Variants in DPYD observed in about 807,000 individuals in gnomAD.
DPYD encodes dihydropyrimidine dehydrogenase [NADP(+)].
A neutral mutation model predicts 116.2 loss-of-function variants in DPYD; 109 were observed. That is an observed-to-expected ratio of 0.94 (90% CI 0.80 to 1.10). The LOEUF (loss-of-function observed/expected upper bound fraction) is 1.10. Ranked by LOEUF, DPYD falls within the 50% of genes least tolerant of loss-of-function variation. DPYD has a pLI of 0.00. For synonymous variants in DPYD, 440 were observed against 432.0 expected (o/e 1.02, Z -0.23); for missense variants, 1,302 against 1,254.5 (o/e 1.04, Z -0.57).
intron 12 of DPYD, among the ~76,000 whole-genome samples, chr1:97,522,646 A>C (rs1399562261): frequency 6.6e-6 from 1 of 151,818 alleles, no homozygotes; most frequent in African/African-American, 2.4e-5. Flanking sequence ...GTGAACCCGG[A>C]AGGTGGATCT....
chr1:97,459,972 G>A (rs1676926178), intron 13 of DPYD, among the ~76,000 whole-genome samples: 1 of 152,062 alleles, frequency 6.6e-6, no homozygotes, highest in Admixed American at 6.6e-5. Flanking sequence ...CACCTTTCGA[G>A]GGAGGAGAAA....
chr1:97,759,702 G>A (rs192479314), intron 3 of DPYD, among the ~76,000 whole-genome samples: 2 of 151,820 alleles, frequency 1.3e-5, no homozygotes, highest in African/African-American at 2.4e-5. Flanking sequence ...TGTATTTTTT[G>A]TTGTCCTAAA....
At chr1:97,522,652 G>A (rs1648770014) in intron 12 of DPYD, among the ~76,000 whole-genome samples, 1 of 151,538 alleles carries the variant, frequency 6.6e-6, no homozygotes, top group African/African-American at 2.4e-5. Context: ...CCGGAAGGTG[G>A]ATCTTGCATT....
At chr1:97,477,844 T>A (rs1461281883) in intron 13 of DPYD, among the ~76,000 whole-genome samples, 1 of 151,964 alleles carries the variant, frequency 6.6e-6, no homozygotes, top group Admixed American at 6.6e-5. Flanking sequence ...ATGGTCTCGA[T>A]CTCCTGACCT....
chr1:97,368,283 A>T (rs1671145165), intron 16 of DPYD, among the ~76,000 whole-genome samples: 1 of 152,110 alleles, frequency 6.6e-6, no homozygotes, highest in Non-Finnish European at 1.5e-5. Context: ...CCTTAGGCTA[A>T]GGCAGATTAA....
At chr1:97,790,956 A>G (rs12081166) in intron 3 of DPYD, among the ~76,000 whole-genome samples, 4,900 of 152,260 alleles carry the variant, frequency 0.032, 265 homozygotes, top group African/African-American at 0.11. Flanking sequence ...TTATGAATAG[A>G]TAAGTTATTC....
Position 97,367,226 on chromosome 1 carries a change from T to C in DPYD, c.2058+6335A>G, listed in dbSNP as rs12064809. Reference sequence around the variant, plus strand: ...GGTAAGAGTAATAATCTGTGGTTAATGTCTAATGAAAAAATGCTGGCATGT... The same window carrying C: ...GGTAAGAGTAATAATCTGTGGTTAACGTCTAATGAAAAAATGCTGGCATGT... On this transcript the variant is annotated intron_variant, in intron 16 of 22. Coordinates refer to ENST00000370192, the MANE Select transcript of DPYD (RefSeq NM_000110.4). 7.6e-3 allele frequency among the ~76,000 whole-genome samples: 1,152 copies of C among 152,048 alleles called. 18 individuals carry two copies. The highest frequency in any genetic ancestry group is 0.027 in the African/African-American group (1,100 of 41,474).
chr1:97,368,639 G>A (rs1671163225), intron 16 of DPYD, among the ~76,000 whole-genome samples: 1 of 152,156 alleles, frequency 6.6e-6, no homozygotes, highest in African/African-American at 2.4e-5. Flanking sequence ...TAAAGGTACT[G>A]CTGGCCAAAG....
intron 18 of DPYD, among the ~76,000 whole-genome samples, chr1:97,245,249 G>C (rs1384346947): frequency 6.6e-6 from 1 of 152,066 alleles, no homozygotes; most frequent in Non-Finnish European, 1.5e-5. Context: ...CGTGTGGTTA[G>C]ATAATGCATT....
chr1:97,910,376 C>T (rs1365071313), intron 1 of DPYD, among the ~76,000 whole-genome samples: 1 of 151,916 alleles, frequency 6.6e-6, no homozygotes, highest in Non-Finnish European at 1.5e-5. Flanking sequence ...AACATATTGT[C>T]AAAGAGATAA....
Position 97,313,497 on chromosome 1 carries a change from CTGTGTGTGTG to C in DPYD, c.2059-7210_2059-7201del, listed in dbSNP as rs58100703. ...ATACCTGGAATGTGTACATGTGTGC[CTGTGTGTGTG>C]TGTGTGTGTGTGTGTGGCTACTTCC... On this transcript the variant is annotated intron_variant, in intron 16 of 22. Transcript: ENST00000370192. 1.9e-3 allele frequency among the ~76,000 whole-genome samples: 290 copies of C among 148,726 alleles called. 1 individual carries two copies. Among genetic ancestry groups the C allele is most frequent in the Non-Finnish European group, 3.3e-3 (223 of 66,888 alleles).
At chr1:97,902,197 C>T (rs1673402563) in intron 1 of DPYD, among the ~76,000 whole-genome samples, 2 of 151,712 alleles carry the variant, frequency 1.3e-5, no homozygotes, top group African/African-American at 2.4e-5. Context: ...TACAGATGCG[C>T]CTAGTGAAGT....
intron 8 of DPYD, among the ~76,000 whole-genome samples, chr1:97,643,727 T>A (rs1442887628): frequency 6.6e-6 from 1 of 152,162 alleles, no homozygotes; most frequent in Non-Finnish European, 1.5e-5. Flanking sequence ...ATGTGGCACA[T>A]ATACACCATG....
At chr1:97,671,752 T>C (rs1321639141) in intron 8 of DPYD, among the ~76,000 whole-genome samples, 1 of 150,622 alleles carries the variant, frequency 6.6e-6, no homozygotes, top group South Asian at 2.1e-4. Flanking sequence ...TCATAAATGT[T>C]TAATATACTG....
chr1:97,367,053 C>G (rs140203212), intron 16 of DPYD, among the ~76,000 whole-genome samples: 1 of 152,068 alleles, frequency 6.6e-6, no homozygotes, highest in Non-Finnish European at 1.5e-5. Context: ...CTGGACACTG[C>G]ATTGCATATG....
At chr1:97,478,724 G>A (rs187309865) in intron 13 of DPYD, among the ~76,000 whole-genome samples, 1 of 152,152 alleles carries the variant, frequency 6.6e-6, no homozygotes, top group Non-Finnish European at 1.5e-5. Flanking sequence ...CACTCCTCTT[G>A]TTTAGCTGTA....
chr1:97,408,413 T>G (rs1673796288), intron 14 of DPYD, among the ~76,000 whole-genome samples: 1 of 152,194 alleles, frequency 6.6e-6, no homozygotes, highest in African/African-American at 2.4e-5. Flanking sequence ...TCCTTTATCA[T>G]GTGATGTAAG....
chr1:97,621,367 T>TA, intron 8 of DPYD, among the ~76,000 whole-genome samples: 1 of 152,140 alleles, frequency 6.6e-6, no homozygotes, highest in East Asian at 1.9e-4. Flanking sequence ...AAGAAAAGGA[T>TA]AGAGAGAGGC....
intron 18 of DPYD, among the ~76,000 whole-genome samples, chr1:97,297,942 G>C (rs1213502878): frequency 6.6e-6 from 1 of 152,006 alleles, no homozygotes; most frequent in Non-Finnish European, 1.5e-5. Context: ...CATAAACAAT[G>C]GTTTCCACTC....
Sources: allele counts gnomAD v4.1 joint callset (sites outside exome capture counted in the v4.1 genomes callset), GRCh38; gene constraint gnomAD v4.1.1; transcripts MANE v1.5; gene names NCBI Gene and HGNC (gene_info 2026-07-23, HGNC 2026-07-21).